The following BRINP3 variants were observed in gnomAD, a reference collection of about 807,000 sequenced individuals.
BRINP3 encodes the protein BMP/retinoic acid inducible neural specific 3.
A neutral mutation model predicts 71.0 loss-of-function variants in BRINP3; 19 were observed. The observed-to-expected ratio is 0.27, with a 90% CI of 0.19 to 0.39. BRINP3 has a LOEUF of 0.39. Ranked by LOEUF, BRINP3 falls within the 10% of genes least tolerant of loss-of-function variation. The probability of loss-of-function intolerance (pLI) is 1.00; values close to 1 mark genes in which losing one functional copy is unlikely to be tolerated. For synonymous variants in BRINP3, 380 were observed against 337.7 expected (o/e 1.13, Z -1.37); for missense variants, 959 against 940.8 (o/e 1.02, Z -0.25).
At chr1:190,129,523 G>T (rs553760770) in intron 7 of BRINP3, among the ~76,000 whole-genome samples, 2 of 152,004 alleles carry the variant, frequency 1.3e-5, no homozygotes, top group East Asian at 1.9e-4. Context: ...CATTAGAAAA[G>T]AACAGGTGCA....
At chr1:190,289,241 T>A (rs1663670949) in intron 2 of BRINP3, among the ~76,000 whole-genome samples, 1 of 151,962 alleles carries the variant, frequency 6.6e-6, no homozygotes, top group Middle Eastern at 3.2e-3. Flanking sequence ...TTTTGAATAA[T>A]AACTCAATTC....
chr1:190,443,360 G>A (rs572632823), intron 2 of BRINP3, among the ~76,000 whole-genome samples: 5 of 150,782 alleles, frequency 3.3e-5, no homozygotes, highest in South Asian at 2.1e-4. Flanking sequence ...AGCCGAGATC[G>A]TGCCTGGGCA....
chr1:190,425,440 A>G (rs993973674), intron 2 of BRINP3, among the ~76,000 whole-genome samples: 29 of 151,740 alleles, frequency 1.9e-4, no homozygotes, highest in African/African-American at 7.0e-4. Context: ...CATATTCTCA[A>G]TCAATCTCTA....
chr1:190,333,096 A>G (rs1356926661), intron 2 of BRINP3, among the ~76,000 whole-genome samples: 4 of 152,032 alleles, frequency 2.6e-5, no homozygotes, highest in Non-Finnish European at 5.9e-5. Context: ...TTGGATGCTT[A>G]TAATATACCT....
chr1:190,263,641 G>A (rs545565498), intron 4 of BRINP3, among the ~76,000 whole-genome samples: 258 of 147,290 alleles, frequency 1.8e-3, no homozygotes, highest in Non-Finnish European at 3.1e-3. Flanking sequence ...CCAGACTGGA[G>A]TGCAGTGGTG....
At chr1:190,156,713 G>T (rs907807575) in intron 7 of BRINP3, among the ~76,000 whole-genome samples, 1 of 151,618 alleles carries the variant, frequency 6.6e-6, no homozygotes, top group Non-Finnish European at 1.5e-5. Flanking sequence ...TAGGAATTAC[G>T]CTAAATTAAA....
chr1:190,229,689 C>CACACACAA (rs1343331809), intron 5 of BRINP3, among the ~76,000 whole-genome samples: 1 of 145,674 alleles, frequency 6.9e-6, no homozygotes, highest in Non-Finnish European at 1.5e-5. Context: ...CACACACACA[C>CACACACAA]AAAGAAACCA....
chr1:190,257,254 A>G (rs1660745917), intron 4 of BRINP3, among the ~76,000 whole-genome samples: 1 of 152,076 alleles, frequency 6.6e-6, no homozygotes, highest in Non-Finnish European at 1.5e-5. Context: ...AATCATTGAT[A>G]CCCTTTCTTC....
At chr1:190,179,510 G>A (rs1284326796) in intron 6 of BRINP3, among the ~76,000 whole-genome samples, 1 of 152,050 alleles carries the variant, frequency 6.6e-6, no homozygotes, top group Non-Finnish European at 1.5e-5. Context: ...CCGAGGTCTT[G>A]ACTTTCCATT....
rs74129280 is a variant in BRINP3 at position 190,322,258 on chromosome 1, G to T, written c.237-40508C>A. ...TCAGGAAGGGGCTGGGAAATGAGAA[G>T]AAGATAAAGTCCTGATAGGTTTGTG... On this transcript the variant is annotated intron_variant, in intron 2 of 7. Transcript: ENST00000367462. 8.9e-3 allele frequency among the ~76,000 whole-genome samples: 1,353 copies of T among 152,114 alleles called. 17 individuals are homozygous for T. Among genetic ancestry groups the T allele is most frequent in the African/African-American group, 0.025 (1,042 of 41,510 alleles).
chr1:190,177,837 G>A (rs899105487), intron 6 of BRINP3, among the ~76,000 whole-genome samples: 2 of 152,168 alleles, frequency 1.3e-5, no homozygotes, highest in Non-Finnish European at 2.9e-5. Flanking sequence ...TTCCACAACT[G>A]TGGATTTAAC....
chr1:190,410,407 A>C (rs1471879246), intron 2 of BRINP3, among the ~76,000 whole-genome samples: 1 of 152,072 alleles, frequency 6.6e-6, no homozygotes, highest in Non-Finnish European at 1.5e-5. Flanking sequence ...TATACTGTAA[A>C]TATATAAAAT....
chr1:190,272,119 C>A (rs1361733195), intron 3 of BRINP3, among the ~76,000 whole-genome samples: 1 of 151,462 alleles, frequency 6.6e-6, no homozygotes, highest in Non-Finnish European at 1.5e-5. Flanking sequence ...TTTTCAGTGT[C>A]CACATTTGCT....
At chr1:190,225,421 C>G (rs1368903191) in intron 6 of BRINP3, among the ~76,000 whole-genome samples, 1 of 151,614 alleles carries the variant, frequency 6.6e-6, no homozygotes, top group Non-Finnish European at 1.5e-5. Context: ...TATGTGGAAG[C>G]TAAAAAAAGT....
At chr1:190,429,643 T>G (rs1572025740) in intron 2 of BRINP3, among the ~76,000 whole-genome samples, 1 of 150,114 alleles carries the variant, frequency 6.7e-6, no homozygotes, top group Non-Finnish European at 1.5e-5. Flanking sequence ...CAGACTGGAG[T>G]GCAATGAGGA....
chr1:190,311,496 A>G (rs964851197), intron 2 of BRINP3, among the ~76,000 whole-genome samples: 1 of 151,674 alleles, frequency 6.6e-6, no homozygotes, highest in African/African-American at 2.4e-5. Flanking sequence ...GCCAAAAAAA[A>G]GTAGAAATTA....
chr1:190,396,874 A>T (rs994247200), intron 2 of BRINP3, among the ~76,000 whole-genome samples: 3 of 109,800 alleles, frequency 2.7e-5, no homozygotes, highest in African/African-American at 9.6e-5. Context: ...TCAGGTAAAC[A>T]TAGTCCTTTT....
intron 2 of BRINP3, among the ~76,000 whole-genome samples, chr1:190,447,622 C>CTATATA (rs1395222096): frequency 6.9e-6 from 1 of 144,630 alleles, no homozygotes; most frequent in African/African-American, 2.5e-5. Context: ...CTCTCTCTCT[C>CTATATA]TATATATATA....
chr1:190,278,148 T>C (rs1035328880), intron 3 of BRINP3, among the ~76,000 whole-genome samples: 1 of 151,758 alleles, frequency 6.6e-6, no homozygotes, highest in Non-Finnish European at 1.5e-5. Flanking sequence ...TTTATGACTG[T>C]AAAACTGATA....
Sources: gnomAD v4.1 joint callset for allele counts (sites outside exome capture counted in the v4.1 genomes callset) on GRCh38, gnomAD v4.1.1 for gene constraint, MANE v1.5 for transcripts, NCBI Gene and HGNC (gene_info 2026-07-23, HGNC 2026-07-21) for gene names.